EZH1: variants seen among roughly 807,000 people sequenced by gnomAD.
The protein encoded by EZH1 is enhancer of zeste 1 polycomb repressive complex 2 subunit.
In EZH1, 33 loss-of-function variants were observed where a neutral mutation model predicts 100.5. The observed-to-expected ratio is 0.33, with a 90% CI of 0.25 to 0.44. The LOEUF (loss-of-function observed/expected upper bound fraction) is 0.44, where lower values mean the gene tolerates loss of function less well. EZH1 is among the 20% of genes least tolerant of loss of function. The pLI is 1.00. For missense variants in EZH1, 475 were observed against 928.4 expected, an observed-to-expected ratio of 0.51 and a Z score of 6.35; for synonymous variants, 272 against 313.8, an observed-to-expected ratio of 0.87 and a Z score of 1.41.
At chr17:42,743,930 A>C (rs993249201) in intron 1 of EZH1, among the ~76,000 whole-genome samples, 4 of 152,106 alleles carry the variant, frequency 2.6e-5, no homozygotes, top group Admixed American at 6.6e-5. Context: ...CAGTTTCCTA[A>C]ATTTAAAAAA....
chr17:42,735,856 C>G (rs1381275527), intron 1 of EZH1, among the ~76,000 whole-genome samples: 1 of 152,052 alleles, frequency 6.6e-6, no homozygotes, highest in Non-Finnish European at 1.5e-5. Flanking sequence ...GTGGTGGCGT[C>G]TGCCTGCAAT....
intron 1 of EZH1, among the ~76,000 whole-genome samples, chr17:42,743,974 G>A (rs1431176109): frequency 6.6e-6 from 1 of 152,076 alleles, no homozygotes; most frequent in Non-Finnish European, 1.5e-5. Flanking sequence ...TTCAGCGGCA[G>A]TATGGCAGCA....
intron 14 of EZH1, 36 bp downstream of exon 14, chr17:42,708,840 A>G (rs568389125): frequency 6.2e-7 from 1 of 1,613,410 alleles, no homozygotes; most frequent in Non-Finnish European, 8.5e-7. Context: ...TGAGGCCTCC[A>G]GCTGAACTGC....
At chr17:42,717,770 G>A (rs1461102738) in intron 10 of EZH1, among the ~76,000 whole-genome samples, 2 of 152,040 alleles carry the variant, frequency 1.3e-5, no homozygotes, top group African/African-American at 4.8e-5. Flanking sequence ...AATGATCTTC[G>A]AATCTGCACT....
chr17:42,725,936 T>C (rs957326625), intron 4 of EZH1, among the ~76,000 whole-genome samples: 1 of 150,710 alleles, frequency 6.6e-6, no homozygotes, highest in Non-Finnish European at 1.5e-5. Flanking sequence ...TGGAGTGCAG[T>C]TGCACGATCT....
chr17:42,706,015 G>A lies in EZH1; in HGVS notation c.1831C>T (p.Leu611Phe). 2 of 1,612,564 alleles carry A rather than the reference G, an allele frequency of 1.2e-6. No homozygotes were observed. Among genetic ancestry groups the A allele is most frequent in the Non-Finnish European group, 1.7e-6 (2 of 1,179,360 alleles). Residue 611 changes from leucine (L) to phenylalanine (F), a missense_variant, in exon 16 of 21, where the codon CTT becomes TTT. Physicochemically the swap from Leu to Phe is conservative, Grantham distance 22. Coordinates refer to ENST00000428826, the MANE Select transcript of EZH1 (RefSeq NM_001991.5). This position sits in a 1 kb window ranked among gnomAD's most constrained non-coding sequence, Gnocchi z 4.4. ...CTGAGGAAAGGCCTCACCTTCTTAA[G>A]TCCACGCTGGATGCTGCAGTTTTTA... Reference protein sequence around the residue: ...SCKNCSIQRGLKKHLLLAPSD... With the variant: ...SCKNCSIQRGFKKHLLLAPSD...
intron 19 of EZH1, chr17:42,703,422 C>G (rs1201697195): frequency 3.0e-6 from 1 of 330,024 alleles, no homozygotes; most frequent in African/African-American, 2.2e-5. Context: ...AAGTGATCCA[C>G]CTGCCTCAGC....
At chr17:42,738,034 G>T (rs1463323649) in intron 1 of EZH1, among the ~76,000 whole-genome samples, 1 of 151,968 alleles carries the variant, frequency 6.6e-6, no homozygotes, top group African/African-American at 2.4e-5. Context: ...AAATTAGCTG[G>T]GCATGGTGGC....
intron 16 of EZH1, 64 bp downstream of exon 16, chr17:42,705,943 T>A: frequency 6.9e-7 from 1 of 1,459,682 alleles, no homozygotes; most frequent in Non-Finnish European, 9.2e-7. Flanking sequence ...AAGAGAATGC[T>A]TGGGACCGTT....
rs774028217 is a variant in EZH1 at position 42,704,656 on chromosome 17, G to A, written c.1963C>T (p.Arg655Cys). ...ELISQDEADR[R>C]GKVYDKYMSS... ...ATGTATTTGTCATAGACCTTTCCGC[G>A]TCGATCAGCCTCATCCTGAGAGATG... Residue 655 changes from arginine (R) to cysteine (C), a missense_variant, in exon 18 of 21, where the codon CGC (arginine) becomes TGC (cysteine). Arg to Cys is a radical substitution (Grantham distance 180). Transcript: ENST00000428826. 1.9e-6 allele frequency: 3 copies of A among 1,613,964 alleles called. No homozygotes were observed. The highest frequency in any genetic ancestry group is 2.5e-6 in the Non-Finnish European group (3 of 1,179,926).
rs957170012 is a variant in EZH1, at chr17:42,700,625, T to C, written c.*1907A>G. 6.6e-6 allele frequency: 1 copy of C among 152,406 alleles called. No homozygotes were observed. The highest frequency in any genetic ancestry group is 2.4e-5 in the African/African-American group (1 of 41,462). 9.4% of individuals were successfully genotyped at this position (152,406 alleles called of 1,614,324 possible). ...CACAGCGAGCCCCTGGCATTTCAAA[T>C]AGACCTAACTCCTCCTCTTCATCTT... On this transcript the variant is annotated 3_prime_UTR_variant, in exon 21 of 21. Transcript: ENST00000428826.
intron 4 of EZH1, among the ~76,000 whole-genome samples, chr17:42,725,584 AG>A (rs2053803347): frequency 6.6e-6 from 1 of 151,974 alleles, no homozygotes; most frequent in Non-Finnish European, 1.5e-5. Flanking sequence ...CCCAGCCAAA[AG>A]AAGGGACTCT....
In EZH1 at chr17:42,730,825, T is replaced by G. The variant is rs901676163; in HGVS notation, c.-12+3A>C. ...AGTATGTATTCTAATATACTTTACCTACCTTATAGAATGCAAGGGGAAGTG... is the reference window on the plus strand; with the variant it reads ...AGTATGTATTCTAATATACTTTACCGACCTTATAGAATGCAAGGGGAAGTG... On this transcript the variant is annotated splice_donor_region_variant and intron_variant, in intron 2 of 20. Coordinates refer to ENST00000428826, the MANE Select transcript of EZH1 (RefSeq NM_001991.5). The G allele has an allele frequency of 7.0e-5, 69 of 984,362 alleles. No homozygotes were observed. Among genetic ancestry groups the G allele is most frequent in the Admixed American group, 4.3e-4 (7 of 16,246 alleles). The allele number at this position is 984,362 out of a possible 1,614,324, so 61.0% of individuals were successfully genotyped here.
chr17:42,732,747 C>T (rs971428310), intron 1 of EZH1, among the ~76,000 whole-genome samples: 2 of 152,074 alleles, frequency 1.3e-5, no homozygotes, highest in African/African-American at 4.8e-5. Context: ...CCAGCCTGGG[C>T]GATAGCGAGA....
In EZH1 at chr17:42,727,649, G is replaced by T. The variant is rs146736585; in HGVS notation, c.232C>A (p.Pro78Thr). ...VQSMKPVSGH[P>T]FLKKCTIESI... ...CCCAAAAGTACCTTTTTGAGAAAAG[G>T]GTGTCCACTCACAGGCTTCATTGAC... Residue 78 changes from proline (P) to threonine (T), a missense_variant, in exon 4 of 21, where the codon CCT becomes ACT. Transcript: ENST00000428826. The T allele has an allele frequency of 2.4e-3, 3,878 of 1,611,940 alleles. 5 individuals carry two copies. The highest frequency in any genetic ancestry group is 3.1e-3 in the Non-Finnish European group (3,608 of 1,179,006).
chr17:42,727,398 C>A (rs1217027601), intron 4 of EZH1, among the ~76,000 whole-genome samples: 1 of 151,578 alleles, frequency 6.6e-6, no homozygotes, highest in African/African-American at 2.4e-5. Context: ...GACTACACCA[C>A]CATGTCTGGC....
intron 6 of EZH1, 114 bp downstream of exon 6, chr17:42,722,681 C>T: frequency 4.4e-6 from 4 of 899,986 alleles, no homozygotes; most frequent in Non-Finnish European, 6.6e-6. Flanking sequence ...TTGAAATATT[C>T]TGCAGTGTGT....
intron 1 of EZH1, among the ~76,000 whole-genome samples, chr17:42,733,032 C>CAAAAAAAA (rs35232752): frequency 9.7e-6 from 1 of 103,242 alleles, no homozygotes; most frequent in African/African-American, 3.6e-5. Flanking sequence ...ACCATCTCTA[C>CAAAAAAAA]AAAAAAAAAA....
At chr17:42,742,973 G>A (rs758651983) in intron 1 of EZH1, among the ~76,000 whole-genome samples, 4 of 151,654 alleles carry the variant, frequency 2.6e-5, no homozygotes, top group Non-Finnish European at 4.4e-5. Flanking sequence ...AGGTTCAAGC[G>A]ATTCTCGTGC....
Sources: allele counts gnomAD v4.1 joint callset (sites outside exome capture counted in the v4.1 genomes callset), GRCh38; gene constraint gnomAD v4.1.1; non-coding constraint Gnocchi (gnomAD v3.1); transcripts MANE v1.5; gene names NCBI Gene and HGNC (gene_info 2026-07-23, HGNC 2026-07-21).